The following ALK variants were observed in gnomAD, a reference collection of about 807,000 sequenced individuals.
ALK encodes the protein ALK tyrosine kinase receptor.
Under a neutral mutation model 163.1 loss-of-function variants are expected in ALK, and 74 were observed. That is an observed-to-expected ratio of 0.45 (90% CI 0.38 to 0.55). The LOEUF (loss-of-function observed/expected upper bound fraction) is 0.55. ALK is among the 20% of genes least tolerant of loss of function. The probability of loss-of-function intolerance (pLI) is 0.00; values close to 1 mark genes in which losing one functional copy is unlikely to be tolerated. For synonymous variants in ALK, 960 were observed against 843.2 expected (o/e 1.14, Z -2.40); for missense variants, 2,063 against 2,105.3 (o/e 0.98, Z 0.39).
intron 1 of ALK, among the ~76,000 whole-genome samples, chr2:29,868,438 T>C (rs1032014631): frequency 3.3e-5 from 5 of 152,098 alleles, no homozygotes; most frequent in Non-Finnish European, 4.4e-5. Flanking sequence ...TGGACAACTA[T>C]ATTGCATGTG....
chr2:29,291,962 A>T (rs552847579), intron 9 of ALK, among the ~76,000 whole-genome samples: 7 of 152,360 alleles, frequency 4.6e-5, no homozygotes, highest in African/African-American at 1.7e-4. Context: ...ATAGAAAAAA[A>T]ATCTTGGCTC....
intron 3 of ALK, among the ~76,000 whole-genome samples, chr2:29,606,859 A>G (rs1219291018): frequency 6.6e-6 from 1 of 152,210 alleles, no homozygotes; most frequent in Non-Finnish European, 1.5e-5. Flanking sequence ...TTGCAACACT[A>G]GTCCCCTGTC....
chr2:29,795,682 T>C (rs1664290592), intron 1 of ALK, among the ~76,000 whole-genome samples: 1 of 152,188 alleles, frequency 6.6e-6, no homozygotes, highest in African/African-American at 2.4e-5. Context: ...CTTTATGTAA[T>C]ATTAAATGAA....
chr2:29,254,030 C>A (rs895076101), intron 11 of ALK, among the ~76,000 whole-genome samples: 1 of 152,158 alleles, frequency 6.6e-6, no homozygotes, highest in Non-Finnish European at 1.5e-5. Flanking sequence ...ATCCTGTTCT[C>A]ATGATAGTGA....
At chr2:29,558,416 A>G (rs542732731) in intron 3 of ALK, among the ~76,000 whole-genome samples, 1 of 152,166 alleles carries the variant, frequency 6.6e-6, no homozygotes, top group African/African-American at 2.4e-5. Context: ...CTGGCCCAAC[A>G]TTATCTTTAC....
At chr2:29,646,142 T>C (rs1676867789) in intron 3 of ALK, among the ~76,000 whole-genome samples, 1 of 152,152 alleles carries the variant, frequency 6.6e-6, no homozygotes, top group Non-Finnish European at 1.5e-5. Context: ...AGAACCTAAA[T>C]TCATGAGTCA....
At chr2:29,548,817 T>G (rs751558289) in intron 3 of ALK, among the ~76,000 whole-genome samples, 2 of 152,214 alleles carry the variant, frequency 1.3e-5, no homozygotes, top group Non-Finnish European at 2.9e-5. Context: ...TCATATTTCT[T>G]ATTTACCTTG....
chr2:29,378,810 G>A (rs939153357), intron 5 of ALK, among the ~76,000 whole-genome samples: 5 of 151,794 alleles, frequency 3.3e-5, no homozygotes, highest in African/African-American at 1.2e-4. Context: ...CTGCCTCCCG[G>A]GTTCAAGCTT....
intron 9 of ALK, 106 bp downstream of exon 9, chr2:29,296,782 T>C: frequency 1.5e-6 from 2 of 1,376,930 alleles, no homozygotes; most frequent in Non-Finnish European, 2.1e-6. Context: ...TGGGCACATC[T>C]GCATGTGTGT....
intron 1 of ALK, among the ~76,000 whole-genome samples, chr2:29,893,806 A>C (rs186513806): frequency 6.6e-6 from 1 of 152,136 alleles, no homozygotes; most frequent in Non-Finnish European, 1.5e-5. Context: ...AGTTTCTTCT[A>C]TGGGGAAAAG....
intron 5 of ALK, among the ~76,000 whole-genome samples, chr2:29,369,734 A>G (rs1042916155): frequency 6.6e-6 from 1 of 152,092 alleles, no homozygotes; most frequent in African/African-American, 2.4e-5. Context: ...CACACAGAAG[A>G]GGCTGAGGCT....
intron 1 of ALK, among the ~76,000 whole-genome samples, chr2:29,877,274 C>T (rs1403123776): frequency 1.3e-5 from 2 of 152,216 alleles, no homozygotes; most frequent in East Asian, 3.9e-4. Context: ...AAGTGCTCTT[C>T]CTCCAGATAT....
At position 29,831,275 on chromosome 2, in the gene ALK, G is replaced by GAAGAATAAGAAT. The variant is rs1489561091; in HGVS notation, c.667+88717_667+88718insATTCTTATTCTT. On this transcript the variant is annotated intron_variant, in intron 1 of 28. Transcript: ENST00000389048. ...AGAGGAAGAGGAAGAAGAAGAAGAA[G>GAAGAATAAGAAT]AAGAAGAAGAAGAAGAAGAAGAAGA... Among the ~76,000 whole-genome samples the GAAGAATAAGAAT allele has an allele frequency of 3.6e-5, 4 of 110,792 alleles. 1 individual carries two copies. Among genetic ancestry groups the GAAGAATAAGAAT allele is most frequent in the African/African-American group, 1.2e-4 (4 of 32,882 alleles). 72.7% of individuals were successfully genotyped at this position (110,792 alleles called of 152,430 possible).
intron 3 of ALK, among the ~76,000 whole-genome samples, chr2:29,605,754 G>A (rs1208461213): frequency 2.0e-5 from 3 of 152,194 alleles, no homozygotes; most frequent in Non-Finnish European, 4.4e-5. Context: ...AAGCCACCCA[G>A]TATATGATAC....
At chr2:29,774,750 T>C (rs1447419808) in intron 1 of ALK, among the ~76,000 whole-genome samples, 2 of 152,208 alleles carry the variant, frequency 1.3e-5, no homozygotes, top group African/African-American at 4.8e-5. Context: ...GGCACCACTC[T>C]AGACCAGACA....
intron 1 of ALK, among the ~76,000 whole-genome samples, chr2:29,880,623 TATC>T (rs1666833086): frequency 6.6e-6 from 1 of 152,238 alleles, no homozygotes; most frequent in Admixed American, 6.5e-5. Context: ...CCAAGTGGGA[TATC>T]ATAAACACAC....
At chr2:29,637,703 C>A (rs1251128263) in intron 3 of ALK, among the ~76,000 whole-genome samples, 1 of 16,254 alleles carries the variant, frequency 6.2e-5, no homozygotes, top group Non-Finnish European at 1.1e-4. Flanking sequence ...AGCAAGACTC[C>A]GTCTCCAAAA....
At chr2:29,421,534 T>C (rs552591993) in intron 4 of ALK, among the ~76,000 whole-genome samples, 14 of 151,620 alleles carry the variant, frequency 9.2e-5, no homozygotes, top group Non-Finnish European at 1.8e-4. Context: ...CTGAGCCTGT[T>C]TCCTTTAAAA....
chr2:29,565,036 C>T (rs1674139756), intron 3 of ALK, among the ~76,000 whole-genome samples: 1 of 152,212 alleles, frequency 6.6e-6, no homozygotes, highest in East Asian at 1.9e-4. Context: ...TCGACAATAA[C>T]CACAGCTTCC....
Sources: gnomAD v4.1 joint callset for allele counts (sites outside exome capture counted in the v4.1 genomes callset) on GRCh38, gnomAD v4.1.1 for gene constraint, MANE v1.5 for transcripts, NCBI Gene and HGNC (gene_info 2026-07-23, HGNC 2026-07-21) for gene names.